The following MUC12 variants were observed in gnomAD, a reference collection of about 807,000 sequenced individuals.
MUC12 encodes the protein mucin-12.
A neutral mutation model predicts 230.8 loss-of-function variants in MUC12; 172 were observed. The ratio of observed to expected loss-of-function variants is 0.75; its 90% CI spans 0.66 to 0.85. MUC12 has a LOEUF of 0.85. Among genes scored for constraint, MUC12 ranks in the 40% least tolerant of loss-of-function variants. MUC12 has a pLI of 0.00. For synonymous variants in MUC12, 1,259 were observed against 2,401.9 expected (o/e 0.52, Z 13.91); for missense variants, 3,506 against 5,920.6 (o/e 0.59, Z 13.38).
At chr7:100,985,304 G>T (rs1475626777) in intron 1 of MUC12, among the ~76,000 whole-genome samples, 2 of 152,198 alleles carry the variant, frequency 1.3e-5, no homozygotes, top group Non-Finnish European at 1.5e-5. Context: ...CACAAGATCA[G>T]CTGAGCCAGT....
chr7:100,989,809 G>A (rs1036221282), intron 1 of MUC12, among the ~76,000 whole-genome samples: 1 of 151,892 alleles, frequency 6.6e-6, no homozygotes, highest in Non-Finnish European at 1.5e-5. Context: ...TCATGCCCTA[G>A]CCTCCCAAGT....
chr7:101,008,855 G>T, intron 4 of MUC12, 94 bp downstream of exon 4: 7 of 1,436,548 alleles, frequency 4.9e-6, no homozygotes, highest in Non-Finnish European at 5.5e-6. Context: ...GAGTTCTTCT[G>T]CTCATGAGCC....
rs376044971 is a variant in MUC12, at chr7:100,991,600, C to A, written c.1037C>A (p.Pro346His). The part of the protein sequence containing the change: ...SPVATATTPP[P>H]ARSATSGHVE... ...GTTGCAACTGCAACAACACCCCCAC[C>A]TGCCCGCTCCGCGACCTCAGGCCAT... The change falls in exon 2 of 12, where the codon CCT (proline) becomes CAT (histidine). Residue 346 changes from proline to histidine, a missense_variant. Physicochemically the swap from Pro to His is moderately conservative, Grantham distance 77 (BLOSUM62 -2). Coordinates refer to ENST00000536621, the MANE Select transcript of MUC12 (RefSeq NM_001164462.2). The A allele has an allele frequency of 2.3e-5, 36 of 1,537,024 alleles. No homozygotes were observed. The highest frequency in any genetic ancestry group is 1.7e-4 in the East Asian group (7 of 40,890).
At position 100,991,323 on chromosome 7, in the gene MUC12, A is replaced by G. The variant is rs569933041; in HGVS notation, c.760A>G (p.Ser254Gly). 9.8e-6 allele frequency: 15 copies of G among 1,537,822 alleles called. No homozygotes were observed. Among genetic ancestry groups the G allele is most frequent in the African/African-American group, 1.4e-5 (1 of 73,138 alleles). Residue 254 changes from serine to glycine, a missense_variant, in exon 2 of 12, where the codon AGC becomes GGC. Physicochemically the swap from Ser to Gly is moderately conservative, Grantham distance 56. Transcript: ENST00000536621. Reference protein sequence around the residue: ...GLLEASTPVHSSTGSPHTTLS... With the variant: ...GLLEASTPVHGSTGSPHTTLS... ...CCTTGAAGCATCTACGCCCGTCCAC[A>G]GCAGCACTGGATCGCCACACACAAC...
At chr7:101,010,822 G>A (rs1351300507) in intron 5 of MUC12, among the ~76,000 whole-genome samples, 4 of 152,094 alleles carry the variant, frequency 2.6e-5, no homozygotes, top group African/African-American at 9.7e-5. Flanking sequence ...CCTAATTTTT[G>A]TAATTTTTGC....
Position 100,991,593 on chromosome 7 carries a change from C to G in MUC12, c.1030C>G (p.Pro344Ala), listed in dbSNP as rs865913396. Residue 344 changes from proline (P) to alanine (A), a missense_variant, in exon 2 of 12, where the codon CCC becomes GCC. Transcript: ENST00000536621. ...CAGCCCAGTTGCAACTGCAACAACA[C>G]CCCCACCTGCCCGCTCCGCGACCTC... Reference protein sequence around the residue: ...HSSPVATATTPPPARSATSGH... With the variant: ...HSSPVATATTAPPARSATSGH... 1 of 1,536,462 alleles carries G rather than the reference C, an allele frequency of 6.5e-7. No individual in the cohort carries two copies. The highest frequency in any genetic ancestry group is 2.0e-5 in the Admixed American group (1 of 50,912).
Position 100,994,024 on chromosome 7 carries a change from G to A in MUC12, c.3461G>A (p.Ser1154Asn). The A allele has an allele frequency of 5.7e-6, 7 of 1,228,130 alleles. 1 individual carries two copies. The highest frequency in any genetic ancestry group is 7.6e-6 in the Non-Finnish European group (7 of 922,560). 76.1% of individuals were successfully genotyped at this position (1,228,130 alleles called of 1,614,324 possible). A position where few individuals can be genotyped will look rare whatever the true frequency, so the allele number is the denominator to read the frequency against. ...SPASTTTPGLSEESTTVYSSS... is the reference protein window; with the variant it reads ...SPASTTTPGLNEESTTVYSSS... ...GCCAGCACCACCACGCCAGGCCTCA[G>A]TGAGGAATCTACCACCGTCTACAGC... Residue 1154 changes from serine (S) to asparagine (N), a missense_variant, in exon 2 of 12, where the codon AGT becomes AAT. By Grantham distance (46) the Ser-to-Asn change is conservative. Transcript: ENST00000536621.
intron 3 of MUC12, 121 bp from the exon 4 acceptor site, chr7:101,008,513 A>T (rs1793790902): frequency 2.2e-6 from 3 of 1,338,164 alleles, no homozygotes; most frequent in Non-Finnish European, 3.0e-6. Flanking sequence ...GGGAACAGTG[A>T]CCCCACCTTC....
chr7:100,991,418 G>A lies in MUC12; in HGVS notation c.855G>A (p.Lys285=), dbSNP rs1790. Residue 285 remains lysine, a synonymous_variant, in exon 2 of 12, where the codon AAG becomes AAA. Coordinates refer to ENST00000536621, the MANE Select transcript of MUC12 (RefSeq NM_001164462.2). ...PTTFQSWPSS[K]DTSPAPSGTT... is the part of the protein sequence containing the mutation. Reference sequence around the variant, plus strand: ...CCTTCCAGAGCTGGCCAAGCTCAAAGGACACTTCGCCTGCACCTTCTGGTA... The same window carrying A: ...CCTTCCAGAGCTGGCCAAGCTCAAAAGACACTTCGCCTGCACCTTCTGGTA... 1.8e-5 allele frequency: 28 copies of A among 1,537,734 alleles called. No individual in the cohort carries two copies. The Admixed American group carries it at 5.3e-4, about 29-fold the overall frequency.
chr7:101,005,475 C>G lies in MUC12; in HGVS notation c.14912C>G (p.Thr4971Ser). Residue 4971 changes from threonine to serine, a missense_variant, in exon 2 of 12, where the codon ACT (threonine) becomes AGT (serine). By Grantham distance (58) the Thr-to-Ser change is moderately conservative (BLOSUM62 1). Transcript: ENST00000536621. ...ACCTTCCACACCAGTCCAAGCTTCA[C>G]TTCTACAATTGTGTCTACTGAAAGC... is the stretch of plus-strand genomic sequence containing the variant. ...STTFHTSPSF[T>S]STIVSTESLE... 2 of 1,537,748 alleles carry G rather than the reference C, an allele frequency of 1.3e-6. No individual in the cohort carries two copies. Among genetic ancestry groups the G allele is most frequent in the Non-Finnish European group, 1.7e-6 (2 of 1,146,994 alleles).
At position 100,992,575 on chromosome 7, in the gene MUC12, C is replaced by T. The variant is rs200428302; in HGVS notation, c.2012C>T (p.Thr671Ile). The T allele has an allele frequency of 5.9e-5, 90 of 1,537,920 alleles. No individual in the cohort carries two copies. The highest frequency in any genetic ancestry group is 3.3e-4 in the Middle Eastern group (2 of 5,996). The change falls in exon 2 of 12, where the codon ACC (threonine) becomes ATC (isoleucine). Residue 671 changes from threonine to isoleucine, a missense_variant. Thr to Ile is a moderately conservative substitution (Grantham distance 89). Coordinates refer to ENST00000536621, the MANE Select transcript of MUC12 (RefSeq NM_001164462.2). ...SHGSPSSIPTTHISARSTTSG... is the reference protein window; with the variant it reads ...SHGSPSSIPTIHISARSTTSG... ...GGCAGCCCGAGCTCAATTCCAACAA[C>T]CCACATTTCTGCCCGCTCCACAACC...
chr7:100,990,916 C>G lies in MUC12; in HGVS notation c.353C>G (p.Ser118Ter). ...EPKTSPITSA[S>*]METTALPGST... ...AAAACCTCACCCATCACTTCAGCCT[C>G]AATGGAAACAACAGCGTTACCTGGC... Residue 118 changes from serine (S) to a stop codon, truncating the protein, a stop_gained, in exon 2 of 12, where the codon TCA becomes TGA. Coordinates refer to ENST00000536621, the MANE Select transcript of MUC12 (RefSeq NM_001164462.2). LOFTEE classifies it high-confidence loss of function. 6.5e-7 allele frequency: 1 copy of G among 1,537,852 alleles called. No individual in the cohort carries two copies. Among genetic ancestry groups the G allele is most frequent in the Non-Finnish European group, 8.7e-7 (1 of 1,147,056 alleles).
In MUC12 at chr7:101,004,562, A is replaced by G. The variant is rs963361267; in HGVS notation, c.13999A>G (p.Thr4667Ala). The part of the protein sequence containing the change: ...SYHSSPGSIA[T>A]THFPESSTTS... ...CCACAGCAGCCCGGGCTCAATTGCA[A>G]CAACACACTTTCCTGAGAGCTCCAC... The change falls in exon 2 of 12, where the codon ACA becomes GCA. Residue 4667 changes from threonine to alanine, a missense_variant. Physicochemically the swap from Thr to Ala is moderately conservative, Grantham distance 58. Coordinates refer to ENST00000536621, the MANE Select transcript of MUC12 (RefSeq NM_001164462.2). 2.0e-6 allele frequency: 3 copies of G among 1,537,474 alleles called. No homozygotes were observed. The highest frequency in any genetic ancestry group is 2.6e-6 in the Non-Finnish European group (3 of 1,146,874).
chr7:101,011,382 G>A (rs1455164791), intron 5 of MUC12, among the ~76,000 whole-genome samples: 1 of 152,044 alleles, frequency 6.6e-6, no homozygotes, highest in Non-Finnish European at 1.5e-5. Flanking sequence ...CTGCATCATT[G>A]GCTATTGAAG....
intron 5 of MUC12, among the ~76,000 whole-genome samples, chr7:101,009,773 G>A (rs1031144590): frequency 1.3e-5 from 2 of 152,206 alleles, no homozygotes; most frequent in African/African-American, 4.8e-5. Flanking sequence ...AGAGGGAATC[G>A]ATGAGAAGAA....
At chr7:100,987,565 G>A (rs1305014171) in intron 1 of MUC12, among the ~76,000 whole-genome samples, 1 of 152,198 alleles carries the variant, frequency 6.6e-6, no homozygotes, top group Non-Finnish European at 1.5e-5. Flanking sequence ...TGTTGCAGGA[G>A]GGGCCTTGTG....
chr7:100,986,598 T>C (rs1793194717), intron 1 of MUC12, among the ~76,000 whole-genome samples: 1 of 152,188 alleles, frequency 6.6e-6, no homozygotes, highest in Admixed American at 6.5e-5. Context: ...ACCCCGGCCT[T>C]CCGTCTTGGT....
chr7:101,006,866 G>A (rs1390766965), intron 3 of MUC12, among the ~76,000 whole-genome samples: 1 of 152,128 alleles, frequency 6.6e-6, no homozygotes, highest in Non-Finnish European at 1.5e-5. Context: ...AATGCAATAT[G>A]TAATAATCAC....
rs1291006722 is a variant in MUC12 at position 100,990,753 on chromosome 7, G to C, written c.190G>C (p.Ala64Pro). The C allele has an allele frequency of 5.9e-6, 9 of 1,537,718 alleles. No homozygotes were observed. The highest frequency in any genetic ancestry group is 2.0e-5 in the Admixed American group (1 of 50,982). Residue 64 changes from alanine to proline, a missense_variant, in exon 2 of 12, where the codon GCA (alanine) becomes CCA (proline). Physicochemically the swap from Ala to Pro is conservative, Grantham distance 27. Transcript: ENST00000536621. ...AGTCACATTTATCACGGGCTCAACTGCAACAAAACACTTCCTTGACAGCTC... is the reference window on the plus strand; with the variant it reads ...AGTCACATTTATCACGGGCTCAACTCCAACAAAACACTTCCTTGACAGCTC... ...VSVTFITGST[A>P]TKHFLDSSTN...
Sources: allele counts gnomAD v4.1 joint callset (sites outside exome capture counted in the v4.1 genomes callset), GRCh38; gene constraint gnomAD v4.1.1; transcripts MANE v1.5; gene names NCBI Gene and HGNC (gene_info 2026-07-23, HGNC 2026-07-21).